The following TTC29 variants were observed in gnomAD, a reference collection of about 807,000 sequenced individuals.
TTC29 encodes tetratricopeptide repeat domain 29, also known as tetratricopeptide repeat protein 29.
A neutral mutation model predicts 58.1 loss-of-function variants in TTC29; 49 were observed. The ratio of observed to expected loss-of-function variants is 0.84; its 90% CI spans 0.67 to 1.07. The LOEUF is 1.07. Among genes scored for constraint, TTC29 ranks in the 50% least tolerant of loss-of-function variants. TTC29 has a pLI of 0.00. For synonymous variants in TTC29, 209 were observed against 196.8 expected (o/e 1.06, Z -0.52); for missense variants, 582 against 555.6 (o/e 1.05, Z -0.48).
At chr4:146,745,987 A>T (rs1180903269) in intron 11 of TTC29, among the ~76,000 whole-genome samples, 2 of 152,234 alleles carry the variant, frequency 1.3e-5, no homozygotes, top group African/African-American at 4.8e-5. Flanking sequence ...CTATTTGCAA[A>T]GAGATACTTT....
intron 6 of TTC29, among the ~76,000 whole-genome samples, chr4:146,894,571 C>A (rs377293327): frequency 6.6e-6 from 1 of 151,342 alleles, no homozygotes; most frequent in Non-Finnish European, 1.5e-5. Flanking sequence ...AGGAGATATA[C>A]CTAATGTTAA....
At chr4:146,737,415 C>T (rs1376300291) in intron 11 of TTC29, among the ~76,000 whole-genome samples, 1 of 152,126 alleles carries the variant, frequency 6.6e-6, no homozygotes, top group Non-Finnish European at 1.5e-5. Flanking sequence ...TGCAGCAGTG[C>T]AAACACAGCA....
chr4:146,791,432 G>T (rs1749440205), intron 11 of TTC29, among the ~76,000 whole-genome samples: 1 of 151,904 alleles, frequency 6.6e-6, no homozygotes, highest in South Asian at 2.1e-4. Context: ...AATTGTTTTG[G>T]GATGCCATGT....
intron 2 of TTC29, chr4:146,944,416 A>T (rs1736728147): frequency 6.6e-6 from 1 of 152,250 alleles, no homozygotes; most frequent in Admixed American, 6.5e-5. Context: ...GTCAGGCTGA[A>T]TGTGTCCCAT....
At chr4:146,871,740 T>C (rs1730944290) in intron 7 of TTC29, among the ~76,000 whole-genome samples, 1 of 151,896 alleles carries the variant, frequency 6.6e-6, no homozygotes, top group Non-Finnish European at 1.5e-5. Flanking sequence ...TAAAAATCAT[T>C]GAAAAAAATT....
intron 11 of TTC29, among the ~76,000 whole-genome samples, chr4:146,775,265 A>T (rs1429542069): frequency 1.3e-5 from 2 of 152,148 alleles, no homozygotes; most frequent in Non-Finnish European, 2.9e-5. Flanking sequence ...TAACATTGAT[A>T]TGTGTGAATT....
intron 10 of TTC29, among the ~76,000 whole-genome samples, chr4:146,815,651 ATTC>A (rs1397662501): frequency 6.6e-6 from 1 of 152,226 alleles, no homozygotes; most frequent in Non-Finnish European, 1.5e-5. Context: ...CCTAAATAAT[ATTC>A]TAAAGCAGTT....
intron 9 of TTC29, among the ~76,000 whole-genome samples, chr4:146,829,828 T>C (rs963894161): frequency 5.9e-5 from 9 of 152,202 alleles, no homozygotes; most frequent in Non-Finnish European, 1.3e-4. Flanking sequence ...AGAGATGGGT[T>C]AGTTGTGACC....
intron 11 of TTC29, among the ~76,000 whole-genome samples, chr4:146,768,247 C>T (rs1747474900): frequency 6.6e-6 from 1 of 151,924 alleles, no homozygotes; most frequent in South Asian, 2.1e-4. Context: ...GTCCTGTGTA[C>T]TGACAAGTGC....
chr4:146,750,828 T>C (rs575553978), intron 11 of TTC29, among the ~76,000 whole-genome samples: 8 of 152,140 alleles, frequency 5.3e-5, no homozygotes, highest in South Asian at 2.1e-4. Context: ...TATAAAACAA[T>C]CTGAAAACAA....
chr4:146,937,095 T>G (rs959961150), intron 4 of TTC29, among the ~76,000 whole-genome samples: 1 of 152,044 alleles, frequency 6.6e-6, no homozygotes, highest in African/African-American at 2.4e-5. Flanking sequence ...AAAGTTTGTA[T>G]CGTTCATCTA....
chr4:146,941,044 T>A (rs1736342370), intron 2 of TTC29, among the ~76,000 whole-genome samples: 1 of 152,196 alleles, frequency 6.6e-6, no homozygotes, highest in African/African-American at 2.4e-5. Flanking sequence ...GGCAAGTCTA[T>A]AAAATCAAAT....
At chr4:146,742,033 T>C (rs1745192583) in intron 11 of TTC29, among the ~76,000 whole-genome samples, 1 of 152,008 alleles carries the variant, frequency 6.6e-6, no homozygotes, top group African/African-American at 2.4e-5. Flanking sequence ...CAGAAGCATA[T>C]GCAGAAGCCC....
At chr4:146,810,656 A>G (rs1205184386) in intron 10 of TTC29, among the ~76,000 whole-genome samples, 1 of 132,882 alleles carries the variant, frequency 7.5e-6, no homozygotes, top group Non-Finnish European at 1.5e-5. Context: ...CAGTGGCATG[A>G]TTTCAGCTCA....
At position 146,878,072 on chromosome 4, in the gene TTC29, C is replaced by T. The variant is rs1223811172; in HGVS notation, c.587-3144G>A. ...CGTCCTCTGTGTTACCTTACTGAGTCTTGGGTTGCTGTTAGGTGTCCTGGA... is the reference window on the plus strand; with the variant it reads ...CGTCCTCTGTGTTACCTTACTGAGTTTTGGGTTGCTGTTAGGTGTCCTGGA... On this transcript the variant is annotated intron_variant, in intron 6 of 12. Transcript: ENST00000325106. Among the ~76,000 whole-genome samples the T allele has an allele frequency of 2.0e-5, 3 of 152,066 alleles. No individual in the cohort carries two copies. In the East Asian group the frequency reaches 5.8e-4, roughly 29 times the overall value.
At chr4:146,793,381 G>T (rs1301135610) in intron 11 of TTC29, among the ~76,000 whole-genome samples, 1 of 152,134 alleles carries the variant, frequency 6.6e-6, no homozygotes, top group East Asian at 1.9e-4. Context: ...ATCAAGGGAA[G>T]ACTCTCCACC....
intron 10 of TTC29, among the ~76,000 whole-genome samples, chr4:146,804,112 T>A (rs571140305): frequency 9.9e-5 from 15 of 152,004 alleles, no homozygotes; most frequent in Non-Finnish European, 2.1e-4. Flanking sequence ...TGAAGCAGGG[T>A]GGGGCATTGC....
chr4:146,826,264 T>C (rs1030954617), intron 9 of TTC29, among the ~76,000 whole-genome samples: 1 of 152,184 alleles, frequency 6.6e-6, no homozygotes, highest in African/African-American at 2.4e-5. Flanking sequence ...TTCCTTTCCA[T>C]ATTTAGTGCT....
chr4:146,730,277 G>A (rs1238411290), intron 11 of TTC29, among the ~76,000 whole-genome samples: 1 of 152,118 alleles, frequency 6.6e-6, no homozygotes, highest in African/African-American at 2.4e-5. Context: ...GAGGCAGCTG[G>A]AGGGCATTAC....
Sources: gnomAD v4.1 joint callset for allele counts (sites outside exome capture counted in the v4.1 genomes callset) on GRCh38, gnomAD v4.1.1 for gene constraint, MANE v1.5 for transcripts, NCBI Gene and HGNC (gene_info 2026-07-23, HGNC 2026-07-21) for gene names.